EVI5: variants seen among roughly 807,000 people sequenced by gnomAD.
The protein encoded by EVI5 is ecotropic viral integration site 5.
In EVI5, 73 loss-of-function variants were observed where a neutral mutation model predicts 112.0. The observed-to-expected ratio is 0.65, with a 90% confidence interval of 0.54 to 0.79. The LOEUF (loss-of-function observed/expected upper bound fraction) is 0.79, where lower values mean the gene tolerates loss of function less well. EVI5 is among the 30% of genes least tolerant of loss of function. The pLI is 0.00. For synonymous variants in EVI5, 305 were observed against 319.9 expected, an observed-to-expected ratio of 0.95 and a Z score of 0.50; for missense variants, 900 against 968.8, an observed-to-expected ratio of 0.93 and a Z score of 0.94.
intron 2 of EVI5, among the ~76,000 whole-genome samples, chr1:92,722,430 G>A (rs751472497): frequency 5.9e-5 from 9 of 151,580 alleles, no homozygotes; most frequent in Non-Finnish European, 1.2e-4. Flanking sequence ...TCGTCATTTA[G>A]CATTAGGTAT....
intron 19 of EVI5, among the ~76,000 whole-genome samples, chr1:92,524,228 C>G (rs1661470107): frequency 6.7e-6 from 1 of 148,706 alleles, no homozygotes. Flanking sequence ...GTATTTTAAA[C>G]AAGTACTCCA....
chr1:92,763,999 T>C (rs115586704), intron 1 of EVI5, among the ~76,000 whole-genome samples: 2,884 of 152,190 alleles, frequency 0.019, 105 homozygotes, highest in African/African-American at 0.065. Context: ...ACCAAACTAA[T>C]CTATGTTGGT....
At chr1:92,614,856 AT>A (rs1652707273) in intron 16 of EVI5, among the ~76,000 whole-genome samples, 1 of 144,354 alleles carries the variant, frequency 6.9e-6, no homozygotes, top group African/African-American at 2.5e-5. Flanking sequence ...ATATATATAT[AT>A]ATATATATAT....
chr1:92,581,208 T>C (rs1671882599), intron 18 of EVI5, among the ~76,000 whole-genome samples: 1 of 152,198 alleles, frequency 6.6e-6, no homozygotes, highest in African/African-American at 2.4e-5. Flanking sequence ...TTTTCTATAG[T>C]CTCAGGAAAA....
intron 18 of EVI5, among the ~76,000 whole-genome samples, chr1:92,565,828 G>A (rs115830856): frequency 6.6e-6 from 1 of 151,140 alleles, no homozygotes; most frequent in African/African-American, 2.4e-5. Context: ...CGATTAGCCG[G>A]GTGTGGTAGT....
chr1:92,642,937 A>C (rs1460985858), intron 13 of EVI5, among the ~76,000 whole-genome samples: 1 of 152,252 alleles, frequency 6.6e-6, no homozygotes, highest in Non-Finnish European at 1.5e-5. Context: ...GAATGGTAAG[A>C]CCAAGAACAG....
intron 19 of EVI5, among the ~76,000 whole-genome samples, chr1:92,538,685 C>A (rs1393669119): frequency 6.6e-6 from 1 of 152,096 alleles, no homozygotes; most frequent in Non-Finnish European, 1.5e-5. Flanking sequence ...GTTAAGTAAA[C>A]CCACAGGAGA....
intron 1 of EVI5, among the ~76,000 whole-genome samples, chr1:92,767,500 AAAAGAGTGAT>A (rs2103022990): frequency 6.6e-6 from 1 of 152,384 alleles, no homozygotes; most frequent in African/African-American, 2.4e-5. Flanking sequence ...TACGTAAAAG[AAAAGAGTGAT>A]GAAATTATGA....
chr1:92,596,553 G>A (rs1647933050), intron 18 of EVI5, among the ~76,000 whole-genome samples: 1 of 152,068 alleles, frequency 6.6e-6, no homozygotes, highest in Non-Finnish European at 1.5e-5. Flanking sequence ...TAAGTAATAA[G>A]CTCTATATTT....
chr1:92,614,857 T>TG (rs1557904506), intron 16 of EVI5, among the ~76,000 whole-genome samples: 2 of 144,204 alleles, frequency 1.4e-5, no homozygotes, highest in African/African-American at 2.5e-5. Context: ...TATATATATA[T>TG]ATATATATAT....
intron 19 of EVI5, among the ~76,000 whole-genome samples, chr1:92,553,001 C>T (rs1239517133): frequency 1.3e-5 from 2 of 151,224 alleles, no homozygotes; most frequent in Admixed American, 1.3e-4. Flanking sequence ...TTTTTTTTAC[C>T]CATTGCAGGA....
intron 1 of EVI5, among the ~76,000 whole-genome samples, chr1:92,743,606 T>C (rs1678784243): frequency 6.6e-6 from 1 of 152,142 alleles, no homozygotes; most frequent in African/African-American, 2.4e-5. Flanking sequence ...ATGGTGGTTG[T>C]ACAACAATAT....
intron 18 of EVI5, among the ~76,000 whole-genome samples, chr1:92,570,975 T>C (rs957095294): frequency 1.3e-5 from 2 of 152,098 alleles, no homozygotes; most frequent in African/African-American, 4.8e-5. Context: ...TTTAAAAGTG[T>C]TTCTTGAACT....
intron 13 of EVI5, among the ~76,000 whole-genome samples, chr1:92,644,131 T>C (rs367764240): frequency 1.3e-5 from 2 of 152,198 alleles, no homozygotes; most frequent in South Asian, 2.1e-4. Context: ...CATGAAATCA[T>C]AGCTTTTACA....
At chr1:92,645,220 T>G (rs1660716791) in intron 13 of EVI5, among the ~76,000 whole-genome samples, 1 of 152,164 alleles carries the variant, frequency 6.6e-6, no homozygotes, top group African/African-American at 2.4e-5. Flanking sequence ...TTGTTATGTC[T>G]TCTTGGTGAA....
rs572878708 is a variant in EVI5, at chr1:92,719,223, G to C, written c.150-14479C>G. On this transcript the variant is annotated intron_variant, in intron 2 of 19. Coordinates refer to ENST00000684568, the MANE Select transcript of EVI5 (RefSeq NM_001350197.2). The stretch of plus-strand genomic sequence containing the variant: ...GGCCAGCATCATCCTGATACCAAAG[G>C]TTGGCAGAGACACGATGAAAAAAAG... 1.3e-4 allele frequency among the ~76,000 whole-genome samples: 19 copies of C among 151,742 alleles called. No homozygotes were observed. The East Asian group carries it at 1.7e-3, about 14-fold the overall frequency.
Position 92,605,371 on chromosome 1 carries a change from C to T in EVI5, c.2006G>A (p.Arg669Gln), listed in dbSNP as rs201454672. Residue 669 changes from arginine (R) to glutamine (Q), a missense_variant, in exon 18 of 20, where the codon CGG becomes CAG. Arg to Gln is a conservative substitution (Grantham distance 43, BLOSUM62 1). Transcript: ENST00000684568. ...NKEEVMAVRL[R>Q]EADSIAAVAE... Reference sequence around the variant, plus strand: ...CACAGCAGCTATGCTATCTGCTTCCCGAAGCCTCACAGCCATCACTTCTTC... The same window carrying T: ...CACAGCAGCTATGCTATCTGCTTCCTGAAGCCTCACAGCCATCACTTCTTC... 3.3e-4 allele frequency: 533 copies of T among 1,613,160 alleles called. 1 individual carries two copies. Among genetic ancestry groups the T allele is most frequent in the Admixed American group, 5.3e-4 (32 of 60,024 alleles).
chr1:92,619,249 G>A (rs1289922270), intron 16 of EVI5, among the ~76,000 whole-genome samples: 1 of 152,122 alleles, frequency 6.6e-6, no homozygotes, highest in East Asian at 1.9e-4. Context: ...TGAATATAAA[G>A]CAGGCAGAAA....
chr1:92,577,643 T>C (rs1214253298), intron 18 of EVI5, among the ~76,000 whole-genome samples: 1 of 152,086 alleles, frequency 6.6e-6, no homozygotes, highest in African/African-American at 2.4e-5. Flanking sequence ...TTTTATAGAG[T>C]AGGTGGATGA....
Sources: gnomAD v4.1 joint callset for allele counts (sites outside exome capture counted in the v4.1 genomes callset) on GRCh38, gnomAD v4.1.1 for gene constraint, MANE v1.5 for transcripts, NCBI Gene and HGNC (gene_info 2026-07-23, HGNC 2026-07-21) for gene names.